Variants in NAA11 observed in about 807,000 individuals in gnomAD.
NAA11 encodes N-alpha-acetyltransferase 11.
In NAA11, 15 loss-of-function variants were observed where a neutral mutation model predicts 16.1. That is an observed-to-expected ratio of 0.93 (90% CI 0.62 to 1.44). The LOEUF is 1.44. Among genes scored for constraint, NAA11 ranks in the 40% most tolerant of loss-of-function variants. The probability of loss-of-function intolerance (pLI) is 0.00; values close to 1 mark genes in which losing one functional copy is unlikely to be tolerated. For synonymous variants in NAA11, 122 were observed against 112.4 expected (o/e 1.09, Z -0.54); for missense variants, 298 against 291.3 (o/e 1.02, Z -0.17).
At chr4:79,223,499 G>GT (rs1721239527), downstream of NAA11, among the ~76,000 whole-genome samples, 1 of 111,386 alleles carries the variant, frequency 9.0e-6, no homozygotes, top group Non-Finnish European at 1.7e-5. Context: ...CTGTTGTGGG[G>GT]TGGGGGGAGG....
chr4:79,266,953 A>G (rs1045248897), intron 2 of NAA11, among the ~76,000 whole-genome samples: 1 of 152,316 alleles, frequency 6.6e-6, no homozygotes. Flanking sequence ...TAGATTTTAA[A>G]CTGTTTGTTT....
At position 79,272,091 on chromosome 4, in the gene NAA11, ATG is replaced by A. The variant is rs112957167; in HGVS notation, c.*122+21912_*122+21913del. Among the ~76,000 whole-genome samples, 100 of 152,024 alleles carry A rather than the reference ATG, an allele frequency of 6.6e-4. 2 individuals carry two copies. The highest frequency in any genetic ancestry group is 2.4e-3 in the African/African-American group (98 of 41,502). On this transcript the variant is annotated intron_variant and NMD_transcript_variant, in intron 2 of 2. Transcript: ENST00000511542. ...CATATACAACACACACATATATTATATGTGTGTGTATATATACATATATACTA... is the reference window on the plus strand; with the variant it reads ...CATATACAACACACACATATATTATATGTGTGTATATATACATATATACTA...
the NAA11 span, among the ~76,000 whole-genome samples, chr4:79,207,263 C>T: frequency 1.6e-4 from 24 of 149,378 alleles, no homozygotes; most frequent in African/African-American, 4.2e-4. Context: ...AAGTGGGCAG[C>T]GGATATTTGC....
At chr4:79,290,030 C>T (rs961535083) in intron 2 of NAA11, among the ~76,000 whole-genome samples, 19 of 152,112 alleles carry the variant, frequency 1.2e-4, no homozygotes, top group Non-Finnish European at 4.4e-5. Context: ...AATTGTAGTC[C>T]ATATGATAGA....
chr4:79,309,110 A>T (rs1203479952), intron 1 of NAA11, among the ~76,000 whole-genome samples: 1 of 108,630 alleles, frequency 9.2e-6, no homozygotes, highest in African/African-American at 6.5e-5. Context: ...CCTATAGTTA[A>T]TTACTGGTAA....
At chr4:79,309,803 T>C (rs1311602289) in intron 1 of NAA11, among the ~76,000 whole-genome samples, 2 of 136,626 alleles carry the variant, frequency 1.5e-5, no homozygotes, top group Admixed American at 8.0e-5. Flanking sequence ...GCAACCTCCA[T>C]CTCCCGGGTT....
chr4:79,160,330 C>T, the NAA11 span, among the ~76,000 whole-genome samples: 1 of 152,164 alleles, frequency 6.6e-6, no homozygotes, highest in Non-Finnish European at 1.5e-5. Context: ...AATAATCCTG[C>T]TTAAACATAT....
chr4:79,278,215 C>A (rs1246822181), intron 2 of NAA11, among the ~76,000 whole-genome samples: 1 of 152,074 alleles, frequency 6.6e-6, no homozygotes, highest in African/African-American at 2.4e-5. Context: ...TTTGTAGTAA[C>A]TCTCTAATTG....
At chr4:79,232,189 T>C (rs897098645) in intron 2 of NAA11, among the ~76,000 whole-genome samples, 3 of 151,948 alleles carry the variant, frequency 2.0e-5, no homozygotes, top group Non-Finnish European at 2.9e-5. Context: ...ATATTGATAG[T>C]TGCCTAAACT....
chr4:79,185,895 T>A, the NAA11 span, among the ~76,000 whole-genome samples: 1 of 152,158 alleles, frequency 6.6e-6, no homozygotes, highest in Non-Finnish European at 1.5e-5. Flanking sequence ...ACTTCATTTA[T>A]GGAACTAGTT....
chr4:79,289,206 G>A (rs543916654), intron 2 of NAA11, among the ~76,000 whole-genome samples: 41 of 152,310 alleles, frequency 2.7e-4, no homozygotes, highest in African/African-American at 9.9e-4. Flanking sequence ...CCAACACAAT[G>A]TGGATTTCAA....
chr4:79,236,387 A>G (rs1721569310), intron 2 of NAA11, among the ~76,000 whole-genome samples: 1 of 152,120 alleles, frequency 6.6e-6, no homozygotes, highest in African/African-American at 2.4e-5. Flanking sequence ...AGTTTCAGAT[A>G]AAAATAACAA....
intron 1 of NAA11, among the ~76,000 whole-genome samples, chr4:79,321,432 C>T (rs1473447833): frequency 6.6e-6 from 1 of 152,176 alleles, no homozygotes; most frequent in Non-Finnish European, 1.5e-5. Context: ...TTTCTCTCAT[C>T]TGCTAGTTGA....
At chr4:79,208,925 CAAAAAA>C in the NAA11 span, among the ~76,000 whole-genome samples, 746 of 54,006 alleles carry the variant, frequency 0.014, 13 homozygotes, top group African/African-American at 0.038. Flanking sequence ...ATATAACTGC[CAAAAAA>C]AAAAAAAAAA....
chr4:79,209,940 G>T, the NAA11 span, among the ~76,000 whole-genome samples: 1 of 152,110 alleles, frequency 6.6e-6, no homozygotes, highest in African/African-American at 2.4e-5. Flanking sequence ...CAGCTATTTG[G>T]TAGGCTGAGG....
intron 1 of NAA11, among the ~76,000 whole-genome samples, chr4:79,311,642 G>A (rs1444661480): frequency 2.0e-5 from 3 of 152,098 alleles, no homozygotes; most frequent in Non-Finnish European, 4.4e-5. Flanking sequence ...GTACCTTAGG[G>A]TATAACTCTA....
At chr4:79,167,491 G>A in the NAA11 span, among the ~76,000 whole-genome samples, 11 of 151,724 alleles carry the variant, frequency 7.3e-5, no homozygotes, top group East Asian at 2.1e-3. Context: ...TATTAAATGG[G>A]GAGTCATGAG....
chr4:79,220,704 G>A (rs575604845), downstream of NAA11, among the ~76,000 whole-genome samples: 1 of 152,066 alleles, frequency 6.6e-6, no homozygotes, highest in African/African-American at 2.4e-5. Context: ...CTCTACTTCT[G>A]AGGGCTCTGT....
chr4:79,194,205 A>C, the NAA11 span, among the ~76,000 whole-genome samples: 1 of 152,092 alleles, frequency 6.6e-6, no homozygotes, highest in South Asian at 2.1e-4. Context: ...CTAATTGAAT[A>C]CTGTCGTTGG....
Sources: gnomAD v4.1 joint callset for allele counts (sites outside exome capture counted in the v4.1 genomes callset) on GRCh38, gnomAD v4.1.1 for gene constraint, MANE v1.5 for transcripts, NCBI Gene and HGNC (gene_info 2026-07-23, HGNC 2026-07-21) for gene names.